The following LHFPL6 variants were observed in gnomAD, a reference collection of about 807,000 sequenced individuals.
LHFPL6 encodes LHFPL tetraspan subfamily member 6 protein.
Under a neutral mutation model 20.6 loss-of-function variants are expected in LHFPL6, and 9 were observed. The observed-to-expected ratio is 0.44, with a 90% CI of 0.26 to 0.76. LHFPL6 has a LOEUF of 0.76. LHFPL6 is among the 30% of genes least tolerant of loss of function. The pLI, the probability that LHFPL6 is intolerant of heterozygous loss-of-function variation, is 0.20. For synonymous variants in LHFPL6, 105 were observed against 98.7 expected, an observed-to-expected ratio of 1.06 and a Z score of -0.38; for missense variants, 218 against 253.5, an observed-to-expected ratio of 0.86 and a Z score of 0.95.
chr13:39,584,485 A>AT (rs1254864753), intron 2 of LHFPL6, among the ~76,000 whole-genome samples: 1 of 147,918 alleles, frequency 6.8e-6, no homozygotes, highest in Non-Finnish European at 1.5e-5. Flanking sequence ...TGAGAGCGCC[A>AT]TTGCACTCCA....
intron 2 of LHFPL6, among the ~76,000 whole-genome samples, chr13:39,435,331 C>T (rs1412225514): frequency 6.6e-6 from 1 of 152,068 alleles, no homozygotes; most frequent in African/African-American, 2.4e-5. Context: ...CCCACATTGA[C>T]AGTTGCCATT....
chr13:39,586,060 G>C (rs1872438052), intron 2 of LHFPL6, among the ~76,000 whole-genome samples: 1 of 151,536 alleles, frequency 6.6e-6, no homozygotes, highest in Admixed American at 6.6e-5. Flanking sequence ...CAGATCTCTA[G>C]ACTAATAAAA....
chr13:39,355,482 G>T (rs1355245516), intron 3 of LHFPL6, among the ~76,000 whole-genome samples: 4 of 152,084 alleles, frequency 2.6e-5, no homozygotes, highest in Admixed American at 2.6e-4. Context: ...ACACAATCAA[G>T]TATAAAACAA....
chr13:39,463,098 G>A (rs912116562), intron 2 of LHFPL6, among the ~76,000 whole-genome samples: 2 of 152,162 alleles, frequency 1.3e-5, no homozygotes, highest in Non-Finnish European at 2.9e-5. Context: ...CAGGAAATGG[G>A]CTTCATCGCT....
At chr13:39,370,061 A>G (rs1162098755) in intron 3 of LHFPL6, among the ~76,000 whole-genome samples, 1 of 152,170 alleles carries the variant, frequency 6.6e-6, no homozygotes, top group South Asian at 2.1e-4. Context: ...CATTCTCCCT[A>G]CTTCTAGAGT....
At chr13:39,366,867 TG>T (rs1242265718) in intron 3 of LHFPL6, among the ~76,000 whole-genome samples, 1 of 152,222 alleles carries the variant, frequency 6.6e-6, no homozygotes, top group African/African-American at 2.4e-5. Flanking sequence ...CAATAAAATC[TG>T]CCCAATCTTT....
Position 39,600,910 on chromosome 13 carries a change from C to A in LHFPL6, c.307G>T (p.Ala103Ser). Residue 103 changes from alanine (A) to serine (S), a missense_variant, in exon 2 of 4, where the codon GCC becomes TCC. Ala to Ser is a moderately conservative substitution (Grantham distance 99). Coordinates refer to ENST00000379589, the MANE Select transcript of LHFPL6 (RefSeq NM_005780.3). Reference sequence around the variant, plus strand: ...TCGGAAACACAGCAACCCATGAGGGCAGTGAGCGCCACCAGGAGGAGGAGG... The same window carrying A: ...TCGGAAACACAGCAACCCATGAGGGAAGTGAGCGCCACCAGGAGGAGGAGG... Reference protein sequence around the residue: ...CGLLLLVALTALMGCCVSDLI... With the variant: ...CGLLLLVALTSLMGCCVSDLI... 1 of 1,585,306 alleles carries A rather than the reference C, an allele frequency of 6.3e-7. No homozygotes were observed. The highest frequency in any genetic ancestry group is 1.2e-5 in the South Asian group (1 of 86,032).
At chr13:39,590,254 A>G (rs1169921354) in intron 2 of LHFPL6, among the ~76,000 whole-genome samples, 1 of 152,210 alleles carries the variant, frequency 6.6e-6, no homozygotes, top group East Asian at 1.9e-4. Context: ...GCAGGACCCA[A>G]ATAAATTAGG....
chr13:39,585,871 T>C (rs1872432938), intron 2 of LHFPL6, among the ~76,000 whole-genome samples: 1 of 152,174 alleles, frequency 6.6e-6, no homozygotes, highest in African/African-American at 2.4e-5. Context: ...TTATGAGACA[T>C]CCTTCTTGGG....
intron 2 of LHFPL6, among the ~76,000 whole-genome samples, chr13:39,501,812 G>A (rs1238959157): frequency 6.6e-6 from 1 of 152,156 alleles, no homozygotes; most frequent in Non-Finnish European, 1.5e-5. Context: ...GGCTGGCCCA[G>A]AGCGAACCAG....
intron 2 of LHFPL6, among the ~76,000 whole-genome samples, chr13:39,393,433 T>C (rs1280076070): frequency 2.6e-5 from 4 of 152,168 alleles, no homozygotes; most frequent in Non-Finnish European, 5.9e-5. Flanking sequence ...GTCAGTTCAT[T>C]TTAGGCTGGA....
chr13:39,368,441 G>T (rs9532374), intron 3 of LHFPL6, among the ~76,000 whole-genome samples: 83,846 of 151,874 alleles, frequency 0.55, 23,889 homozygotes, highest in East Asian at 0.7. Flanking sequence ...AATTAGCTGG[G>T]TCTGGTGGTG....
intron 2 of LHFPL6, among the ~76,000 whole-genome samples, chr13:39,390,325 T>C (rs749764828): frequency 9.2e-5 from 14 of 151,842 alleles, no homozygotes; most frequent in Non-Finnish European, 1.6e-4. Flanking sequence ...GCAAGACTCC[T>C]TCTCTTAAAA....
chr13:39,599,730 G>T (rs1872873798), intron 2 of LHFPL6, among the ~76,000 whole-genome samples: 1 of 152,192 alleles, frequency 6.6e-6, no homozygotes, highest in South Asian at 2.1e-4. Context: ...AATGTTACTT[G>T]AAAGTTTTAT....
chr13:39,423,181 A>G (rs1311376245), intron 2 of LHFPL6, among the ~76,000 whole-genome samples: 1 of 152,202 alleles, frequency 6.6e-6, no homozygotes, highest in African/African-American at 2.4e-5. Context: ...ATAATTCTCA[A>G]CAAATCTCTT....
At chr13:39,484,693 G>C (rs1868660707) in intron 2 of LHFPL6, among the ~76,000 whole-genome samples, 2 of 152,190 alleles carry the variant, frequency 1.3e-5, no homozygotes, top group African/African-American at 4.8e-5. Flanking sequence ...TAAGTACTTG[G>C]TGGTTTAAGC....
intron 3 of LHFPL6, among the ~76,000 whole-genome samples, chr13:39,366,792 T>C (rs1870024407): frequency 6.6e-6 from 1 of 152,146 alleles, no homozygotes; most frequent in South Asian, 2.1e-4. Flanking sequence ...GCAACAAACA[T>C]AGTGGGTTTG....
chr13:39,436,235 C>A (rs899547863), intron 2 of LHFPL6, among the ~76,000 whole-genome samples: 1 of 151,810 alleles, frequency 6.6e-6, no homozygotes, highest in African/African-American at 2.4e-5. Context: ...GCAGAAAGAT[C>A]CCAAAATAAA....
At chr13:39,476,687 GA>G (rs1481706574) in intron 2 of LHFPL6, among the ~76,000 whole-genome samples, 2 of 152,148 alleles carry the variant, frequency 1.3e-5, no homozygotes, top group African/African-American at 4.8e-5. Context: ...CTGGTAAAAA[GA>G]AAATATTGCA....
Sources: gnomAD v4.1 joint callset for allele counts (sites outside exome capture counted in the v4.1 genomes callset) on GRCh38, gnomAD v4.1.1 for gene constraint, MANE v1.5 for transcripts, NCBI Gene and HGNC (gene_info 2026-07-23, HGNC 2026-07-21) for gene names.